SCG3: variants seen among roughly 807,000 people sequenced by gnomAD.
The protein encoded by SCG3 is secretogranin III.
SCG3 carries 38 observed loss-of-function variants against 56.2 expected under a neutral mutation model. The ratio of observed to expected loss-of-function variants is 0.68; its 90% confidence interval spans 0.52 to 0.89. The LOEUF (loss-of-function observed/expected upper bound fraction) is 0.89. SCG3 is among the 40% of genes least tolerant of loss of function. The probability of loss-of-function intolerance (pLI) is 0.00; values close to 1 mark genes in which losing one functional copy is unlikely to be tolerated. For synonymous variants in SCG3, 176 were observed against 184.2 expected (o/e 0.96, Z 0.36); for missense variants, 524 against 540.7 (o/e 0.97, Z 0.31).
chr15:51,695,465 G>T (rs1277290289), intron 7 of SCG3, among the ~76,000 whole-genome samples: 3 of 152,140 alleles, frequency 2.0e-5, no homozygotes, highest in African/African-American at 7.2e-5. Context: ...TTTTGGAGAA[G>T]TTATCATTGC....
intron 10 of SCG3, among the ~76,000 whole-genome samples, chr15:51,706,583 T>C (rs758023211): frequency 6.6e-6 from 1 of 152,154 alleles, no homozygotes; most frequent in Non-Finnish European, 1.5e-5. Context: ...GGAGTCTGTT[T>C]TGGCCTTGCG....
chr15:51,706,230 T>C (rs2055374894), intron 10 of SCG3, among the ~76,000 whole-genome samples: 1 of 152,204 alleles, frequency 6.6e-6, no homozygotes, highest in South Asian at 2.1e-4. Flanking sequence ...GGGACAGTTA[T>C]TCAGCAAGAA....
intron 8 of SCG3, 64 bp downstream of exon 8, chr15:51,696,055 T>G: frequency 1.1e-6 from 1 of 891,286 alleles, no homozygotes; most frequent in Non-Finnish European, 1.9e-6. Flanking sequence ...AATTAGGGAC[T>G]TGGCAATAAT....
chr15:51,694,907 T>TATA (rs1388832332), intron 7 of SCG3, among the ~76,000 whole-genome samples: 1 of 151,962 alleles, frequency 6.6e-6, no homozygotes, highest in African/African-American at 2.4e-5. Flanking sequence ...GGCGCACGCC[T>TATA]ATAATCCCAG....
At chr15:51,715,745 A>G (rs1280734670) in intron 11 of SCG3, among the ~76,000 whole-genome samples, 2 of 152,158 alleles carry the variant, frequency 1.3e-5, no homozygotes, top group Non-Finnish European at 2.9e-5. Context: ...CACTGCACAC[A>G]GTAATAGCCG....
chr15:51,681,968 G>C, intron 1 of SCG3, 131 bp downstream of exon 1: 3 of 661,956 alleles, frequency 4.5e-6, no homozygotes, highest in Non-Finnish European at 8.0e-6. Context: ...AATACGGACA[G>C]AGAAATCAGT....
At chr15:51,704,675 A>T (rs1210112625) in intron 10 of SCG3, among the ~76,000 whole-genome samples, 1 of 148,654 alleles carries the variant, frequency 6.7e-6, no homozygotes, top group Non-Finnish European at 1.5e-5. Flanking sequence ...CTGAAGAAAT[A>T]CTCCATTGTA....
At chr15:51,706,118 T>G (rs1291626976) in intron 10 of SCG3, among the ~76,000 whole-genome samples, 2 of 152,210 alleles carry the variant, frequency 1.3e-5, no homozygotes, top group Non-Finnish European at 2.9e-5. Context: ...CAAGGGCTAT[T>G]TTGCTTCCCT....
chr15:51,697,501 C>T (rs958958137), intron 8 of SCG3, among the ~76,000 whole-genome samples: 5 of 152,180 alleles, frequency 3.3e-5, no homozygotes, highest in Admixed American at 6.5e-5. Context: ...TTGCACTAGG[C>T]ACATTTCAAG....
At chr15:51,717,603 G>C (rs570295788) in intron 11 of SCG3, among the ~76,000 whole-genome samples, 1 of 152,222 alleles carries the variant, frequency 6.6e-6, no homozygotes, top group South Asian at 2.1e-4. Flanking sequence ...TTATTAAAAG[G>C]ATATTTTAAA....
intron 10 of SCG3, among the ~76,000 whole-genome samples, chr15:51,711,907 G>C (rs139979987): frequency 2.6e-5 from 4 of 152,240 alleles, no homozygotes; most frequent in Admixed American, 6.5e-5. Flanking sequence ...GCAAGAGTGG[G>C]CTTCAAGATC....
rs575858763 is a variant in SCG3, at chr15:51,689,480, G to C, written c.690+112G>C. ...CCTTACTTGATACCAAAGAAGATTT[G>C]AGGTATGTGGCATTTTTAGCCCATT... On this transcript the variant is annotated intron_variant, in intron 6 of 11. Coordinates refer to ENST00000220478, the MANE Select transcript of SCG3 (RefSeq NM_013243.4). 171 of 1,325,900 alleles carry C rather than the reference G, an allele frequency of 1.3e-4. No homozygotes were observed. The African/African-American group carries it at 2.4e-3, about 19-fold the overall frequency. 82.1% of individuals were successfully genotyped at this position (1,325,900 alleles called of 1,614,324 possible).
chr15:51,701,077 C>T, intron 9 of SCG3, 30 bp from the exon 10 acceptor site: 1 of 1,611,640 alleles, frequency 6.2e-7, no homozygotes. Flanking sequence ...GGAAACAGGG[C>T]TATGACAACA....
At chr15:51,685,586 TC>T (rs1034770682) in intron 4 of SCG3, among the ~76,000 whole-genome samples, 2 of 152,192 alleles carry the variant, frequency 1.3e-5, no homozygotes, top group East Asian at 1.9e-4. Flanking sequence ...GCTTCTGGTC[TC>T]CCCTTGTGCT....
intron 2 of SCG3, 115 bp downstream of exon 2, chr15:51,682,684 A>G (rs2055202465): frequency 1.5e-6 from 1 of 663,200 alleles, no homozygotes; most frequent in African/African-American, 1.9e-5. Flanking sequence ...CAGGAACTTA[A>G]TAGTTAATTG....
At chr15:51,695,839 C>A (rs2055299729) in intron 7 of SCG3, 36 bp from the exon 8 acceptor site, 2 of 1,082,796 alleles carry the variant, frequency 1.8e-6, no homozygotes, top group Middle Eastern at 2.3e-4. Context: ...GGAAGCTATC[C>A]CCCACAGTTT....
At chr15:51,708,718 C>G (rs2055391722) in intron 10 of SCG3, among the ~76,000 whole-genome samples, 1 of 152,094 alleles carries the variant, frequency 6.6e-6, no homozygotes, top group Admixed American at 6.6e-5. Flanking sequence ...ATTAGCTGGA[C>G]AAAGTGGCGG....
chr15:51,692,991 A>G (rs1182179384), intron 7 of SCG3, among the ~76,000 whole-genome samples: 1 of 152,124 alleles, frequency 6.6e-6, no homozygotes, highest in Non-Finnish European at 1.5e-5. Flanking sequence ...TCCAGAATGT[A>G]TTCATCTTGC....
In SCG3 at chr15:51,682,521, A is replaced by G. The variant is rs142092548; in HGVS notation, c.87A>G (p.Lys29=). The change falls in exon 2 of 12, where the codon AAA becomes AAG. Residue 29 remains lysine (K), a synonymous_variant. Transcript: ENST00000220478. ...ATTCACATGTGTTTATTCTAGACAAATCTCTACATAATAGAGAATTAAGTG... is the reference window on the plus strand; with the variant it reads ...ATTCACATGTGTTTATTCTAGACAAGTCTCTACATAATAGAGAATTAAGTG... The part of the protein sequence containing the change: ...AFPKPGGSQD[K]SLHNRELSAE... 6 of 1,443,912 alleles carry G rather than the reference A, an allele frequency of 4.2e-6. No homozygotes were observed. In the African/African-American group the frequency reaches 8.9e-5, roughly 21 times the overall value. 89.4% of individuals were successfully genotyped at this position (1,443,912 alleles called of 1,614,324 possible).
Sources: allele counts gnomAD v4.1 joint callset (sites outside exome capture counted in the v4.1 genomes callset), GRCh38; gene constraint gnomAD v4.1.1; transcripts MANE v1.5; gene names NCBI Gene and HGNC (gene_info 2026-07-23, HGNC 2026-07-21).